The following TAFA5 variants were observed in gnomAD, a reference collection of about 807,000 sequenced individuals.
TAFA5 encodes the protein chemokine-like protein TAFA-5.
A neutral mutation model predicts 15.3 loss-of-function variants in TAFA5; 6 were observed. The observed-to-expected ratio is 0.39, with a 90% CI of 0.21 to 0.77. TAFA5 has a LOEUF of 0.77. TAFA5 is among the 30% of genes least tolerant of loss of function. The pLI, the probability that TAFA5 is intolerant of heterozygous loss-of-function variation, is 0.41. For missense variants in TAFA5, 161 were observed against 193.1 expected, an observed-to-expected ratio of 0.83 and a Z score of 0.98; for synonymous variants, 103 against 80.7, an observed-to-expected ratio of 1.28 and a Z score of -1.48.
intron 2 of TAFA5, among the ~76,000 whole-genome samples, chr22:48,682,277 C>T (rs1928215504): frequency 6.6e-6 from 1 of 152,182 alleles, no homozygotes; most frequent in Admixed American, 6.5e-5. Context: ...CAGGTGTCCC[C>T]TAGAGCCGTG....
intron 1 of TAFA5, chr22:48,544,239 T>TG (rs1460337924): frequency 1.0e-5 from 2 of 197,846 alleles, no homozygotes; most frequent in Non-Finnish European, 2.1e-5. Context: ...CACCCAGCTC[T>TG]GATACCCGCC....
At chr22:48,579,072 C>T (rs543183477) in intron 1 of TAFA5, among the ~76,000 whole-genome samples, 4 of 152,302 alleles carry the variant, frequency 2.6e-5, no homozygotes, top group South Asian at 4.1e-4. Context: ...CCCAGGGAGC[C>T]GTTTTTCCAC....
At chr22:48,638,005 G>A (rs974190923) in intron 1 of TAFA5, among the ~76,000 whole-genome samples, 12 of 152,198 alleles carry the variant, frequency 7.9e-5, no homozygotes, top group African/African-American at 2.7e-4. Context: ...CAAGACAGTC[G>A]CTGAGGACAT....
In TAFA5 at chr22:48,693,992, G is replaced by C. The variant is rs145814762; in HGVS notation, c.263-13725G>C. Among the ~76,000 whole-genome samples, 871 of 152,244 alleles carry C rather than the reference G, an allele frequency of 5.7e-3. 3 individuals carry two copies. The highest frequency in any genetic ancestry group is 0.019 in the African/African-American group (803 of 41,546). On this transcript the variant is annotated intron_variant, in intron 2 of 3. Transcript: ENST00000402357. ...ATTCAGCATCTCCACTGGGCTGTCG[G>C]CTTCTCCTCTTTCTTCAGGAAGCCC...
intron 3 of TAFA5, among the ~76,000 whole-genome samples, chr22:48,735,938 G>A (rs867398530): frequency 2.7e-4 from 31 of 114,460 alleles, no homozygotes; most frequent in African/African-American, 8.7e-4. Flanking sequence ...AATGAGAATC[G>A]CACTCCTAGA....
chr22:48,511,437 G>C (rs914489765), intron 1 of TAFA5, among the ~76,000 whole-genome samples: 1 of 152,188 alleles, frequency 6.6e-6, no homozygotes, highest in African/African-American at 2.4e-5. Flanking sequence ...TGGCTCCCAG[G>C]GGGAGGGGAG....
chr22:48,506,159 G>A (rs554000367), intron 1 of TAFA5, among the ~76,000 whole-genome samples: 25 of 152,288 alleles, frequency 1.6e-4, no homozygotes, highest in African/African-American at 5.3e-4. Context: ...TGCTGGCCTC[G>A]CCTGGCCCCT....
intron 2 of TAFA5, among the ~76,000 whole-genome samples, chr22:48,688,091 T>G (rs1055117755): frequency 1.8e-4 from 26 of 142,644 alleles, no homozygotes; most frequent in African/African-American, 6.4e-4. Flanking sequence ...TGTTTTTTTG[T>G]GTGTTTTGGG....
rs1306219325 is a variant in TAFA5, at chr22:48,550,115, TTGGGGTATGC to T, written c.112+60416_112+60425del. Among the ~76,000 whole-genome samples the T allele has an allele frequency of 6.6e-6, 1 of 152,138 alleles. No homozygotes were observed. Among genetic ancestry groups the T allele is most frequent in the East Asian group, 1.9e-4 (1 of 5,184 alleles). ...TGGCCTGTATCAGAAGCTGGGAACTTTGGGGTATGCTGGGCATGGGTGTAGCAGCCTGTGT... is the reference window on the plus strand; with the variant it reads ...TGGCCTGTATCAGAAGCTGGGAACTTTGGGCATGGGTGTAGCAGCCTGTGT... On this transcript the variant is annotated intron_variant, in intron 1 of 3. Coordinates refer to ENST00000402357, the MANE Select transcript of TAFA5 (RefSeq NM_001082967.3). This position sits in a 1 kb window ranked among gnomAD's most constrained non-coding sequence, Gnocchi z 4.1.
At chr22:48,720,679 C>T (rs906165786) in intron 3 of TAFA5, among the ~76,000 whole-genome samples, 1 of 152,146 alleles carries the variant, frequency 6.6e-6, no homozygotes, top group Admixed American at 6.5e-5. Flanking sequence ...AGGGCAGCTT[C>T]CCAGAAGTTC....
chr22:48,516,413 T>C (rs1921408589), intron 1 of TAFA5, among the ~76,000 whole-genome samples: 2 of 151,778 alleles, frequency 1.3e-5, no homozygotes, highest in African/African-American at 4.8e-5. Context: ...TTTGGTGTAA[T>C]TTAAGTGAGT....
chr22:48,553,038 A>C (rs984301505), intron 1 of TAFA5, among the ~76,000 whole-genome samples: 1 of 151,980 alleles, frequency 6.6e-6, no homozygotes, highest in African/African-American at 2.4e-5. Flanking sequence ...TCACCCCGAG[A>C]GCCCACCCCT....
chr22:48,628,290 G>A (rs921572481), intron 1 of TAFA5, among the ~76,000 whole-genome samples: 4 of 152,196 alleles, frequency 2.6e-5, no homozygotes, highest in African/African-American at 9.6e-5. Flanking sequence ...CCCAGCTTGT[G>A]GGGGTGTCAG....
intron 1 of TAFA5, among the ~76,000 whole-genome samples, chr22:48,536,018 C>A (rs1234555896): frequency 1.3e-5 from 2 of 152,248 alleles, no homozygotes; most frequent in East Asian, 3.8e-4. Flanking sequence ...GACACACCCC[C>A]CCCAGGAGTG....
At chr22:48,555,075 C>G (rs1256657930) in intron 1 of TAFA5, among the ~76,000 whole-genome samples, 1 of 152,228 alleles carries the variant, frequency 6.6e-6, no homozygotes, top group Admixed American at 6.5e-5. Flanking sequence ...TCAGACGACT[C>G]CCACTGCAGG....
intron 1 of TAFA5, chr22:48,576,276 C>A: frequency 2.4e-6 from 2 of 846,990 alleles, no homozygotes; most frequent in South Asian, 5.8e-5. Flanking sequence ...CGCCCCCCTC[C>A]CCCCGCCCGC....
intron 1 of TAFA5, among the ~76,000 whole-genome samples, chr22:48,573,583 A>C (rs965270063): frequency 6.6e-6 from 1 of 152,152 alleles, no homozygotes; most frequent in African/African-American, 2.4e-5. Context: ...TGCTTTTAAA[A>C]GTGTAAGCAA....
intron 1 of TAFA5, among the ~76,000 whole-genome samples, chr22:48,516,503 G>A (rs1015463496): frequency 4.2e-4 from 64 of 152,338 alleles, no homozygotes; most frequent in African/African-American, 1.5e-3. Context: ...CCCAACTCTC[G>A]GCAGGAGCTG....
intron 1 of TAFA5, among the ~76,000 whole-genome samples, chr22:48,645,807 G>A (rs1487309732): frequency 2.6e-5 from 4 of 152,120 alleles, no homozygotes; most frequent in African/African-American, 9.7e-5. Flanking sequence ...TGCTGCTGGT[G>A]AGCCTGAGAC....
Sources: gnomAD v4.1 joint callset for allele counts (sites outside exome capture counted in the v4.1 genomes callset) on GRCh38, gnomAD v4.1.1 for gene constraint, Gnocchi (gnomAD v3.1) non-coding constraint, MANE v1.5 for transcripts, NCBI Gene and HGNC (gene_info 2026-07-23, HGNC 2026-07-21) for gene names.